COL25A1: variants seen among roughly 807,000 people sequenced by gnomAD.
COL25A1 encodes the protein collagen alpha-1(XXV) chain.
COL25A1 carries 103 observed loss-of-function variants against 128.4 expected under a neutral mutation model. The ratio of observed to expected loss-of-function variants is 0.80; its 90% CI spans 0.68 to 0.94. The LOEUF (loss-of-function observed/expected upper bound fraction) is 0.94, where lower values mean the gene tolerates loss of function less well. COL25A1 is among the 40% of genes least tolerant of loss of function. The pLI, the probability that COL25A1 is intolerant of heterozygous loss-of-function variation, is 0.00. For missense variants in COL25A1, 745 were observed against 840.0 expected, an observed-to-expected ratio of 0.89 and a Z score of 1.40; for synonymous variants, 279 against 277.2, an observed-to-expected ratio of 1.01 and a Z score of -0.06.
chr4:108,861,446 C>T (rs1323239851), intron 22 of COL25A1, among the ~76,000 whole-genome samples: 1 of 152,186 alleles, frequency 6.6e-6, no homozygotes, highest in Admixed American at 6.5e-5. Context: ...AGGAAGGTCA[C>T]AGGCTAGGCC....
At chr4:109,195,695 G>A (rs186693096) in intron 3 of COL25A1, among the ~76,000 whole-genome samples, 1 of 152,062 alleles carries the variant, frequency 6.6e-6, no homozygotes, top group African/African-American at 2.4e-5. Flanking sequence ...ATATTGAACA[G>A]ATCATGACAT....
chr4:108,963,211 A>G (rs1374544964), intron 8 of COL25A1, among the ~76,000 whole-genome samples: 5 of 152,202 alleles, frequency 3.3e-5, no homozygotes, highest in African/African-American at 9.6e-5. Flanking sequence ...ATGCACCATT[A>G]AAATCTGCTG....
Position 109,083,448 on chromosome 4 carries a change from A to ATTTTTTTTT in COL25A1, c.368-33278_368-33270dup, listed in dbSNP as rs60165291. Among the ~76,000 whole-genome samples the ATTTTTTTTT allele has an allele frequency of 1.7e-3, 128 of 77,058 alleles. 10 individuals carry two copies. The highest frequency in any genetic ancestry group is 0.013 in the Middle Eastern group (1 of 80). 50.6% of individuals were successfully genotyped at this position (77,058 alleles called of 152,430 possible). A position where few individuals can be genotyped will look rare whatever the true frequency, so the allele number is the denominator to read the frequency against. On this transcript the variant is annotated intron_variant, in intron 3 of 37. Transcript: ENST00000399132. ...CACCAATAACTTTTACACTAAATAA[A>ATTTTTTTTT]TTTTTTTTTTTTTTTTTTTTTTTTT... is the stretch of plus-strand genomic sequence containing the variant.
intron 19 of COL25A1, among the ~76,000 whole-genome samples, chr4:108,873,099 C>A (rs958542260): frequency 3.3e-5 from 5 of 151,966 alleles, no homozygotes; most frequent in Non-Finnish European, 7.4e-5. Context: ...TGCTATGTTG[C>A]CCAGGCTGGT....
chr4:108,899,818 C>T (rs867219241), intron 14 of COL25A1, among the ~76,000 whole-genome samples: 3 of 151,986 alleles, frequency 2.0e-5, no homozygotes, highest in Non-Finnish European at 4.4e-5. Context: ...GGAATGATGT[C>T]CTTATTCAAA....
At chr4:109,148,500 G>A (rs1052782235) in intron 3 of COL25A1, among the ~76,000 whole-genome samples, 3 of 152,054 alleles carry the variant, frequency 2.0e-5, no homozygotes, top group African/African-American at 7.2e-5. Context: ...AAACGCTCCC[G>A]TGGATGCCTG....
At chr4:109,281,322 A>C (rs1723369147) in intron 3 of COL25A1, among the ~76,000 whole-genome samples, 1 of 152,166 alleles carries the variant, frequency 6.6e-6, no homozygotes, top group Non-Finnish European at 1.5e-5. Context: ...AAATTGACTT[A>C]AAGTCATTCT....
intron 32 of COL25A1, among the ~76,000 whole-genome samples, chr4:108,831,717 C>A (rs992028684): frequency 1.5e-3 from 184 of 125,578 alleles, no homozygotes; most frequent in African/African-American, 5.8e-3. Context: ...AGAGAGAGAG[C>A]GCATGCATGA....
At chr4:108,957,036 T>C (rs1750150565) in intron 8 of COL25A1, among the ~76,000 whole-genome samples, 1 of 152,178 alleles carries the variant, frequency 6.6e-6, no homozygotes, top group African/African-American at 2.4e-5. Context: ...CATTAATATA[T>C]GATATGGCTG....
At chr4:108,884,764 A>T (rs1740574898) in intron 18 of COL25A1, among the ~76,000 whole-genome samples, 1 of 152,144 alleles carries the variant, frequency 6.6e-6, no homozygotes, top group South Asian at 2.1e-4. Context: ...TTAAGATTAA[A>T]CCTAACTCCA....
chr4:109,285,872 G>GT (rs1723838268), intron 3 of COL25A1, among the ~76,000 whole-genome samples: 1 of 133,816 alleles, frequency 7.5e-6, no homozygotes, highest in African/African-American at 3.8e-5. Flanking sequence ...GTTTTGTTTT[G>GT]TTTTTTGTTT....
chr4:108,889,053 T>A (rs1439379781), intron 18 of COL25A1, among the ~76,000 whole-genome samples, 168 bp downstream of exon 18: 1 of 152,240 alleles, frequency 6.6e-6, no homozygotes, highest in Non-Finnish European at 1.5e-5. Flanking sequence ...CATTGTGCTA[T>A]GGTCATCATC....
chr4:109,218,357 G>GTTTTTTTTTTGTTTGTTTTTTTTT lies in COL25A1; in HGVS notation c.367+82225_367+82226insAAAAAAAAACAAACAAAAAAAAAA, dbSNP rs1553961829. Among the ~76,000 whole-genome samples, 439 of 73,420 alleles carry GTTTTTTTTTTGTTTGTTTTTTTTT rather than the reference G, an allele frequency of 6.0e-3. 11 individuals are homozygous for GTTTTTTTTTTGTTTGTTTTTTTTT. Among genetic ancestry groups the GTTTTTTTTTTGTTTGTTTTTTTTT allele is most frequent in the African/African-American group, 6.5e-3 (116 of 17,822 alleles). The allele number at this position is 73,420 out of a possible 152,430, so 48.2% of individuals were successfully genotyped here. On this transcript the variant is annotated intron_variant, in intron 3 of 37. Transcript: ENST00000399132. Reference sequence around the variant, plus strand: ...CAGAATCAATTGCTGGTTTTTTGGGGTTTTTTTTTTTTTTTTTTTTTTTTT... The same window carrying GTTTTTTTTTTGTTTGTTTTTTTTT: ...CAGAATCAATTGCTGGTTTTTTGGGGTTTTTTTTTTGTTTGTTTTTTTTTTTTTTTTTTTTTTTTTTTTTTTTTT...
chr4:109,186,328 A>G (rs1009053618), intron 3 of COL25A1, among the ~76,000 whole-genome samples: 24 of 152,274 alleles, frequency 1.6e-4, no homozygotes, highest in Admixed American at 1.4e-3. Context: ...CTTTTTTTGC[A>G]TATATTTTTC....
rs990893027 is a variant in COL25A1, at chr4:109,168,802, T to C, written c.368-118623A>G. On this transcript the variant is annotated intron_variant, in intron 3 of 37. Transcript: ENST00000399132. ...GGCATCTAAATCCTAAGACTTATCC[T>C]AGAGAGAATAAAATGTTTTTAAACC... is the stretch of plus-strand genomic sequence containing the variant. Among the ~76,000 whole-genome samples the C allele has an allele frequency of 2.6e-5, 4 of 152,198 alleles. No individual in the cohort carries two copies. In the South Asian group the frequency reaches 8.3e-4, roughly 31 times the overall value.
chr4:109,042,147 C>T (rs1423778558), intron 5 of COL25A1, among the ~76,000 whole-genome samples: 1 of 151,990 alleles, frequency 6.6e-6, no homozygotes, highest in East Asian at 1.9e-4. Context: ...TTCCAGAATT[C>T]CAAACTTCTG....
At chr4:108,982,513 A>T (rs972931566) in intron 6 of COL25A1, among the ~76,000 whole-genome samples, 1 of 152,182 alleles carries the variant, frequency 6.6e-6, no homozygotes, top group African/African-American at 2.4e-5. Context: ...GAATGCAATA[A>T]AACTCTGTGT....
chr4:108,949,215 TATAA>T (rs1201149821), intron 8 of COL25A1, among the ~76,000 whole-genome samples: 1 of 152,198 alleles, frequency 6.6e-6, no homozygotes, highest in Non-Finnish European at 1.5e-5. Context: ...AGCTATTCTC[TATAA>T]ATAAACATCA....
intron 25 of COL25A1, 131 bp downstream of exon 25, chr4:108,852,771 A>ATTATTAATACAAGAAAACATAAAATTAAG: frequency 1.4e-6 from 1 of 706,970 alleles, no homozygotes; most frequent in Non-Finnish European, 2.4e-6. Flanking sequence ...AATGTAAAAG[A>ATTATTAATACAAGAAAACATAAAATTAAG]TTATTAATAC....
Sources: allele counts gnomAD v4.1 joint callset (sites outside exome capture counted in the v4.1 genomes callset), GRCh38; gene constraint gnomAD v4.1.1; transcripts MANE v1.5; gene names NCBI Gene and HGNC (gene_info 2026-07-23, HGNC 2026-07-21).